Variants in ZFHX3 observed in about 807,000 individuals in gnomAD.
ZFHX3 encodes zinc finger homeobox 3.
In ZFHX3, 42 loss-of-function variants were observed where a neutral mutation model predicts 279.1. The observed-to-expected ratio is 0.15, with a 90% CI of 0.12 to 0.19. The LOEUF is 0.19. ZFHX3 is among the 10% of genes least tolerant of loss of function. The probability of loss-of-function intolerance (pLI) is 1.00; values close to 1 mark genes in which losing one functional copy is unlikely to be tolerated. For synonymous variants in ZFHX3, 2,293 were observed against 1,957.8 expected (o/e 1.17, Z -4.52); for missense variants, 4,981 against 4,754.0 (o/e 1.05, Z -1.40).
chr16:73,832,075 G>A (rs8056651), intron 1 of ZFHX3, among the ~76,000 whole-genome samples: 11,700 of 151,968 alleles, frequency 0.077, 1,487 homozygotes, highest in African/African-American at 0.27. Flanking sequence ...TAATTTTTGT[G>A]TTTTTAGTAG....
In ZFHX3 at chr16:73,811,947, T is replaced by C. The variant is rs770068636; in HGVS notation, c.-1608+79704A>G. Among the ~76,000 whole-genome samples, 5 of 152,224 alleles carry C rather than the reference T, an allele frequency of 3.3e-5. 1 individual carries two copies. In the South Asian group the frequency reaches 8.3e-4, roughly 25 times the overall value. On this transcript the variant is annotated intron_variant, in intron 1 of 17. Transcript: ENST00000641206. ...TGTGGAGACTGTGCTGAACTTTTTA[T>C]CTTCATTTTATCTTTGCAACAATTC...
At chr16:73,291,556 A>C (rs1011073623) in intron 4 of ZFHX3, among the ~76,000 whole-genome samples, 1 of 152,236 alleles carries the variant, frequency 6.6e-6, no homozygotes, top group Non-Finnish European at 1.5e-5. Context: ...TCAGGAGAGC[A>C]TCTGCTCACC....
Position 73,443,017 on chromosome 16 carries a change from C to T in ZFHX3, c.-1291+12986G>A, listed in dbSNP as rs79453138. Among the ~76,000 whole-genome samples, 197 of 152,250 alleles carry T rather than the reference C, an allele frequency of 1.3e-3. 2 individuals carry two copies. The East Asian group carries it at 0.031, about 24-fold the overall frequency. The stretch of plus-strand genomic sequence containing the variant: ...ACCAGTGATATTGGATTAGGGCCCA[C>T]CCTAACAACTTCATTTTAACTTTAT... On this transcript the variant is annotated intron_variant, in intron 3 of 17. Transcript: ENST00000641206.
chr16:73,629,148 G>A (rs190487153), intron 2 of ZFHX3, among the ~76,000 whole-genome samples: 4 of 152,270 alleles, frequency 2.6e-5, no homozygotes, highest in East Asian at 3.9e-4. Context: ...CCCACCTTCC[G>A]TGTGTCATCT....
chr16:73,336,162 C>A (rs2015908278), intron 3 of ZFHX3, among the ~76,000 whole-genome samples: 1 of 152,176 alleles, frequency 6.6e-6, no homozygotes, highest in Non-Finnish European at 1.5e-5. Context: ...AGGGAACTAA[C>A]CCTATTATTA....
chr16:72,887,216 T>C (rs527236784), intron 4 of ZFHX3, among the ~76,000 whole-genome samples: 3 of 152,208 alleles, frequency 2.0e-5, no homozygotes, highest in African/African-American at 7.2e-5. Flanking sequence ...TTGGAGGGGC[T>C]TAGGAGGGAC....
rs1190128011 is a variant in ZFHX3, at chr16:72,787,051, T to C, written c.*113A>G. ...TTTTCTTTTTTTTCTTTTTTTTTTT[T>C]TTTTTGTTTTTTGGTTAGAAGCTTT... On this transcript the variant is annotated 3_prime_UTR_variant, in exon 10 of 10. Transcript: ENST00000268489. 1 of 1,035,922 alleles carries C rather than the reference T, an allele frequency of 9.7e-7. No homozygotes were observed. Among genetic ancestry groups the C allele is most frequent in the Non-Finnish European group, 1.2e-6 (1 of 819,102 alleles). 64.2% of individuals were successfully genotyped at this position (1,035,922 alleles called of 1,614,324 possible).
chr16:73,155,192 A>AC (rs1247937990), intron 5 of ZFHX3, among the ~76,000 whole-genome samples: 36 of 151,852 alleles, frequency 2.4e-4, no homozygotes, highest in African/African-American at 8.4e-4. Context: ...AAAAAAAAAA[A>AC]AACAAAAAAA....
intron 1 of ZFHX3, among the ~76,000 whole-genome samples, chr16:73,878,940 G>GATATATATATATATATATAT (rs3082335): frequency 8.5e-5 from 12 of 141,038 alleles, no homozygotes; most frequent in African/African-American, 3.1e-4. Context: ...AAAAAGATAA[G>GATATATATATATATATATAT]ATATATATAT....
At chr16:73,103,824 T>G (rs1291134957) in intron 7 of ZFHX3, among the ~76,000 whole-genome samples, 1 of 152,126 alleles carries the variant, frequency 6.6e-6, no homozygotes, top group Non-Finnish European at 1.5e-5. Flanking sequence ...TACAGAGACA[T>G]TTTACATAGA....
rs759801503 is a variant in ZFHX3 at position 72,798,349 on chromosome 16, T to C, written c.4333A>G (p.Lys1445Glu). 1.2e-6 allele frequency: 2 copies of C among 1,614,198 alleles called. No homozygotes were observed. The highest frequency in any genetic ancestry group is 3.3e-5 in the Admixed American group (2 of 60,026). ...AGGTGGCTTGTCTCAAGGTGCTTCT[T>C]CAGAGCCTGGAAAGTTCGGAAACTG... The part of the protein sequence containing the change: ...QRSFRTFQAL[K>E]KHLETSHLEL... The change falls in exon 9 of 10, where the codon AAG becomes GAG. Residue 1445 changes from lysine (K) to glutamate (E), a missense_variant. Physicochemically the swap from Lys to Glu is moderately conservative, Grantham distance 56. Around this residue, in one of 7 missense-constraint regions of ZFHX3, gnomAD observed 1,751 missense variants for 1,770.0 expected, o/e 0.99. Transcript: ENST00000268489.
intron 4 of ZFHX3, among the ~76,000 whole-genome samples, chr16:73,310,296 C>A (rs1292891066): frequency 6.6e-6 from 1 of 152,088 alleles, no homozygotes; most frequent in African/African-American, 2.4e-5. Context: ...TCCACCCTGG[C>A]AGGAAAGCTA....
intron 2 of ZFHX3, among the ~76,000 whole-genome samples, chr16:73,588,010 G>A (rs1035055759): frequency 3.3e-5 from 5 of 152,208 alleles, no homozygotes; most frequent in South Asian, 2.1e-4. Context: ...GGCCACAAAC[G>A]GTAAAGCAAA....
chr16:72,997,939 G>A (rs1484317423), intron 1 of ZFHX3, among the ~76,000 whole-genome samples: 1 of 151,982 alleles, frequency 6.6e-6, no homozygotes, highest in East Asian at 1.9e-4. Context: ...AAAATTAGCT[G>A]GGTGTGATGG....
At chr16:73,391,707 C>A (rs1161864913) in intron 3 of ZFHX3, among the ~76,000 whole-genome samples, 1 of 152,122 alleles carries the variant, frequency 6.6e-6, no homozygotes. Context: ...GGAGGGACAT[C>A]TGGAAGCAAC....
intron 5 of ZFHX3, among the ~76,000 whole-genome samples, chr16:73,180,299 C>T (rs8062728): frequency 0.36 from 54,179 of 151,982 alleles, 10,491 homozygotes; most frequent in African/African-American, 0.52. Context: ...AGGGCTCATA[C>T]CCATTCACAA....
In ZFHX3 at chr16:72,812,035, G is replaced by A. The variant is rs759043061; in HGVS notation, c.3533C>T (p.Ser1178Leu). ...ELAKDQEGGA[S>L]SSQAEKELTD... is the part of the protein sequence containing the mutation. ...CAGCTCCTTCTCTGCTTGGCTGGAC[G>A]ATGCTAAAAGAGAAAGTAGAAGATG... The change falls in exon 6 of 10, where the codon TCG (serine) becomes TTG (leucine). Residue 1178 changes from serine (S) to leucine (L), a missense_variant. Ser to Leu is a moderately radical substitution (Grantham distance 145). Transcript: ENST00000268489. 1.2e-5 allele frequency: 19 copies of A among 1,613,820 alleles called. No homozygotes were observed. In the African/African-American group the frequency reaches 1.2e-4, roughly 10 times the overall value.
intron 1 of ZFHX3, among the ~76,000 whole-genome samples, chr16:73,875,586 T>C (rs2029921423): frequency 6.6e-6 from 1 of 152,218 alleles, no homozygotes; most frequent in South Asian, 2.1e-4. Context: ...CAAATATGTG[T>C]TTGAAATATA....
intron 2 of ZFHX3, among the ~76,000 whole-genome samples, chr16:73,648,198 C>G (rs74030152): frequency 6.6e-6 from 1 of 152,018 alleles, no homozygotes; most frequent in Non-Finnish European, 1.5e-5. Context: ...TATATGGATG[C>G]CGACTGATGC....
Sources: allele counts gnomAD v4.1 joint callset (sites outside exome capture counted in the v4.1 genomes callset), GRCh38; gene constraint gnomAD v4.1.1; regional missense constraint gnomAD v4.1.1; transcripts MANE v1.5; gene names NCBI Gene and HGNC (gene_info 2026-07-23, HGNC 2026-07-21).